Variants in STX12 observed in about 807,000 individuals in gnomAD.
STX12 encodes syntaxin 12.
In STX12, 17 loss-of-function variants were observed where a neutral mutation model predicts 42.2. The observed-to-expected ratio is 0.40, with a 90% CI of 0.28 to 0.60. STX12 has a LOEUF of 0.60. Among genes scored for constraint, STX12 ranks in the 20% least tolerant of loss-of-function variants. The pLI, the probability that STX12 is intolerant of heterozygous loss-of-function variation, is 0.39. For synonymous variants in STX12, 108 were observed against 116.7 expected (o/e 0.93, Z 0.48); for missense variants, 297 against 330.9 (o/e 0.90, Z 0.79).
At chr1:27,783,427 G>A (rs535627365) in intron 1 of STX12, among the ~76,000 whole-genome samples, 3 of 152,140 alleles carry the variant, frequency 2.0e-5, no homozygotes, top group South Asian at 2.1e-4. Flanking sequence ...CTCCGCTCCC[G>A]GGTTCAAGCA....
At chr1:27,787,424 C>T (rs769622844) in intron 1 of STX12, among the ~76,000 whole-genome samples, 10 of 152,000 alleles carry the variant, frequency 6.6e-5, no homozygotes, top group South Asian at 2.1e-4. Context: ...TTTGGGAGGC[C>T]GAGGCGGGTG....
chr1:27,773,354 G>T lies in STX12; in HGVS notation c.47G>T (p.Gly16Val). 1 of 1,613,154 alleles carries T rather than the reference G, an allele frequency of 6.2e-7. No homozygotes were observed. The highest frequency in any genetic ancestry group is 8.5e-7 in the Non-Finnish European group (1 of 1,179,412). ...LDMYRNPGPS[G>V]PQLRDFSSII... ...ATGTACCGGAACCCGGGGCCCTCGG[G>T]GCCCCAGCTCCGGGACTTCAGCAGC... The change falls in exon 1 of 9, where the codon GGG becomes GTG. Residue 16 changes from glycine (G) to valine (V), a missense_variant. Transcript: ENST00000373943.
intron 4 of STX12, among the ~76,000 whole-genome samples, chr1:27,807,926 T>C (rs570483199): frequency 7.2e-4 from 110 of 152,264 alleles, no homozygotes; most frequent in Non-Finnish European, 1.2e-3. Context: ...AAAAAAGCAC[T>C]AAAGAATATA....
At chr1:27,773,679 C>A (rs2088611057) in intron 1 of STX12, among the ~76,000 whole-genome samples, 1 of 152,206 alleles carries the variant, frequency 6.6e-6, no homozygotes, top group Non-Finnish European at 1.5e-5. Context: ...ACCAAAACAG[C>A]CGACTTGACA....
Position 27,812,163 on chromosome 1 carries a change from C to A in STX12, c.471C>A (p.Ser157Arg). The change falls in exon 6 of 9, where the codon AGC becomes AGA. Residue 157 changes from serine to arginine, a missense_variant and splice_region_variant. Coordinates refer to ENST00000373943, the MANE Select transcript of STX12 (RefSeq NM_177424.3). ...QREEQLVSFD[S>R]HEEWNQMQSQ... ...ACCTAGTGTGCCTGTTTCCCTGCAG[C>A]CATGAGGAGTGGAACCAGATGCAGA... 6.4e-7 allele frequency: 1 copy of A among 1,554,236 alleles called. No homozygotes were observed. Among genetic ancestry groups the A allele is most frequent in the Non-Finnish European group, 8.7e-7 (1 of 1,148,126 alleles).
intron 8 of STX12, among the ~76,000 whole-genome samples, chr1:27,820,693 T>A (rs866054450): frequency 3.3e-5 from 5 of 152,058 alleles, no homozygotes; most frequent in Non-Finnish European, 2.9e-5. Flanking sequence ...CAAAGGACTA[T>A]AAATCATGCT....
At chr1:27,809,641 G>A (rs560350395) in intron 4 of STX12, among the ~76,000 whole-genome samples, 1 of 151,826 alleles carries the variant, frequency 6.6e-6, no homozygotes, top group African/African-American at 2.4e-5. Context: ...TGTATTTTTA[G>A]TAGAGACGGG....
At chr1:27,776,774 C>G (rs2088631075) in intron 1 of STX12, among the ~76,000 whole-genome samples, 1 of 152,132 alleles carries the variant, frequency 6.6e-6, no homozygotes, top group African/African-American at 2.4e-5. Context: ...GTTAACACTT[C>G]AGGTTTACAA....
At chr1:27,774,345 T>C (rs2088614604) in intron 1 of STX12, among the ~76,000 whole-genome samples, 1 of 152,214 alleles carries the variant, frequency 6.6e-6, no homozygotes, top group Admixed American at 6.5e-5. Context: ...CTTGGAGCCT[T>C]ATAAACAGGA....
chr1:27,816,049 C>T (rs2088938967), intron 6 of STX12, among the ~76,000 whole-genome samples: 1 of 151,950 alleles, frequency 6.6e-6, no homozygotes, highest in Non-Finnish European at 1.5e-5. Flanking sequence ...ACAGTACAAG[C>T]TCACGCCTGT....
chr1:27,811,949 T>C (rs1249760225), intron 5 of STX12: 1 of 632,188 alleles, frequency 1.6e-6, no homozygotes, highest in Non-Finnish European at 3.0e-6. Flanking sequence ...ACATGTCAGC[T>C]TTGCCCATGG....
chr1:27,819,271 A>T (rs997736766), intron 7 of STX12, among the ~76,000 whole-genome samples: 6 of 102,210 alleles, frequency 5.9e-5, no homozygotes, highest in Non-Finnish European at 8.5e-5. Context: ...CCCGTCTCTT[A>T]AAAAAAAAAA....
intron 4 of STX12, among the ~76,000 whole-genome samples, chr1:27,807,414 G>A (rs1344762586): frequency 6.6e-6 from 1 of 152,032 alleles, no homozygotes. Context: ...AAATAAACAC[G>A]TTAGTATTAT....
chr1:27,794,208 G>A (rs1340732819), intron 3 of STX12, among the ~76,000 whole-genome samples: 1 of 151,786 alleles, frequency 6.6e-6, no homozygotes, highest in Non-Finnish European at 1.5e-5. Context: ...CAATTTTTTT[G>A]TACAGACATG....
intron 4 of STX12, among the ~76,000 whole-genome samples, chr1:27,805,024 A>G (rs1435690167): frequency 1.3e-5 from 2 of 152,150 alleles, no homozygotes; most frequent in Non-Finnish European, 2.9e-5. Flanking sequence ...AGCCCCTTAT[A>G]AAACCATCAG....
chr1:27,806,776 G>C (rs1194756299), intron 4 of STX12, among the ~76,000 whole-genome samples: 1 of 152,162 alleles, frequency 6.6e-6, no homozygotes, highest in East Asian at 1.9e-4. Flanking sequence ...TGCGTGGCTG[G>C]ATAGGCCTCA....
At chr1:27,795,219 T>G (rs1228211361) in intron 3 of STX12, among the ~76,000 whole-genome samples, 1 of 152,110 alleles carries the variant, frequency 6.6e-6, no homozygotes, top group Non-Finnish European at 1.5e-5. Flanking sequence ...AGAGTCTATA[T>G]TATGTAATAA....
chr1:27,778,785 A>T (rs2088644579), intron 1 of STX12, among the ~76,000 whole-genome samples: 1 of 151,966 alleles, frequency 6.6e-6, no homozygotes, highest in African/African-American at 2.4e-5. Context: ...AGAAGAGTGG[A>T]GGTCTCACTC....
chr1:27,782,617 C>T (rs778874551), intron 1 of STX12, among the ~76,000 whole-genome samples: 9 of 152,078 alleles, frequency 5.9e-5, no homozygotes, highest in African/African-American at 1.9e-4. Flanking sequence ...GTGGGCAGAT[C>T]GCCTCAGGTC....
Sources: allele counts gnomAD v4.1 joint callset (sites outside exome capture counted in the v4.1 genomes callset), GRCh38; gene constraint gnomAD v4.1.1; transcripts MANE v1.5; gene names NCBI Gene and HGNC (gene_info 2026-07-23, HGNC 2026-07-21).